KIAA1217: variants seen among roughly 807,000 people sequenced by gnomAD.
KIAA1217 encodes KIAA1217, also known as sickle tail protein homolog.
In KIAA1217, 88 loss-of-function variants were observed where a neutral mutation model predicts 163.9. That is an observed-to-expected ratio of 0.54 (90% CI 0.45 to 0.64). KIAA1217 has a LOEUF of 0.64. Ranked by LOEUF, KIAA1217 falls within the 30% of genes least tolerant of loss-of-function variation. The pLI is 0.00. For synonymous variants in KIAA1217, 903 were observed against 923.1 expected, an observed-to-expected ratio of 0.98 and a Z score of 0.39; for missense variants, 2,372 against 2,475.0, an observed-to-expected ratio of 0.96 and a Z score of 0.88.
chr10:24,473,141 C>A, intron 5 of KIAA1217, 87 bp from the exon 6 acceptor site: 1 of 883,252 alleles, frequency 1.1e-6, no homozygotes, highest in Non-Finnish European at 1.8e-6. Context: ...ATACATCTTG[C>A]AGGGGAAGTC....
At chr10:24,401,534 TAAC>T (rs2056528045) in intron 3 of KIAA1217, among the ~76,000 whole-genome samples, 1 of 152,072 alleles carries the variant, frequency 6.6e-6, no homozygotes, top group South Asian at 2.1e-4. Context: ...TGATAAAATC[TAAC>T]AACAATTCAT....
At chr10:24,277,997 C>A (rs1387475258) in intron 2 of KIAA1217, among the ~76,000 whole-genome samples, 2 of 152,204 alleles carry the variant, frequency 1.3e-5, no homozygotes, top group Non-Finnish European at 2.9e-5. Context: ...TGGACCTATG[C>A]CTTTTGTCCT....
At chr10:23,872,316 A>G (rs1352474711) in intron 1 of KIAA1217, among the ~76,000 whole-genome samples, 1 of 152,116 alleles carries the variant, frequency 6.6e-6, no homozygotes, top group African/African-American at 2.4e-5. Flanking sequence ...TAGGAGAGAT[A>G]GAATGTGAAA....
intron 16 of KIAA1217, 30 bp from the exon 17 acceptor site, chr10:24,536,744 C>T (rs778550982): frequency 5.0e-6 from 8 of 1,609,226 alleles, no homozygotes; most frequent in Non-Finnish European, 5.9e-6. Context: ...CCCTTGGATC[C>T]CTGTTAACCT....
chr10:24,510,130 G>C (rs958727061), intron 9 of KIAA1217, among the ~76,000 whole-genome samples: 1 of 152,108 alleles, frequency 6.6e-6, no homozygotes, highest in Non-Finnish European at 1.5e-5. Context: ...CTTGATAGAA[G>C]AACAACTTGG....
chr10:24,501,542 C>T lies in KIAA1217; in HGVS notation c.1998C>T (p.Leu666=), dbSNP rs2133966072. 3.7e-6 allele frequency: 6 copies of T among 1,612,474 alleles called. No individual in the cohort carries two copies. The highest frequency in any genetic ancestry group is 1.3e-5 in the African/African-American group (1 of 74,902). Residue 666 remains leucine, a synonymous_variant, in exon 9 of 21, where the codon CTC becomes CTT. Transcript: ENST00000376454. ...TCCAGCTCCAGCAGATGCGGCAGCTCCAGGTATTCCTCATGCACGGCGGCC... is the reference window on the plus strand; with the variant it reads ...TCCAGCTCCAGCAGATGCGGCAGCTTCAGGTATTCCTCATGCACGGCGGCC... ...LRLQLQQMRQ[L]QLQNQELLRA... is the part of the protein sequence containing the mutation.
intron 2 of KIAA1217, among the ~76,000 whole-genome samples, chr10:24,045,862 C>T (rs1256475277): frequency 6.6e-6 from 1 of 152,186 alleles, no homozygotes; most frequent in East Asian, 1.9e-4. Context: ...ACAGAAGAGC[C>T]TGGCAATCAA....
intron 1 of KIAA1217, among the ~76,000 whole-genome samples, chr10:23,834,762 A>G (rs1838369202): frequency 6.6e-6 from 1 of 152,158 alleles, no homozygotes; most frequent in South Asian, 2.1e-4. Flanking sequence ...AGAATCAAGG[A>G]CAACTCCAAT....
At chr10:24,365,587 T>C (rs1284415213) in intron 2 of KIAA1217, among the ~76,000 whole-genome samples, 3 of 152,190 alleles carry the variant, frequency 2.0e-5, no homozygotes, top group Non-Finnish European at 4.4e-5. Context: ...ACCCTCACCT[T>C]TCTGGTGAGA....
intron 3 of KIAA1217, among the ~76,000 whole-genome samples, chr10:24,418,107 T>TA (rs554280387): frequency 0.051 from 7,454 of 147,298 alleles, 226 homozygotes; most frequent in South Asian, 0.11. Flanking sequence ...CCACCACCAA[T>TA]AAAAAAAAAA....
chr10:24,259,012 G>A (rs2075457416), intron 2 of KIAA1217, among the ~76,000 whole-genome samples: 1 of 152,170 alleles, frequency 6.6e-6, no homozygotes, highest in Non-Finnish European at 1.5e-5. Flanking sequence ...GCCCGTGGAA[G>A]ACGAGCCACT....
chr10:24,112,957 C>A (rs903713211), intron 2 of KIAA1217, among the ~76,000 whole-genome samples: 5 of 151,986 alleles, frequency 3.3e-5, no homozygotes, highest in African/African-American at 1.2e-4. Context: ...ATAGAGGAGG[C>A]AGGGATTGGA....
intron 1 of KIAA1217, among the ~76,000 whole-genome samples, chr10:23,946,718 C>T (rs1037414374): frequency 6.6e-6 from 1 of 152,154 alleles, no homozygotes; most frequent in Non-Finnish European, 1.5e-5. Flanking sequence ...GAGCCCATAA[C>T]AACACATCTT....
intron 3 of KIAA1217, among the ~76,000 whole-genome samples, chr10:24,424,089 C>A (rs1245450764): frequency 1.3e-5 from 2 of 150,762 alleles, no homozygotes; most frequent in East Asian, 1.9e-4. Flanking sequence ...TTTTTTAAAT[C>A]CAGACTTTCT....
intron 4 of KIAA1217, among the ~76,000 whole-genome samples, chr10:24,436,619 G>A (rs993071156): frequency 4.0e-5 from 6 of 151,842 alleles, no homozygotes; most frequent in East Asian, 1.9e-4. Context: ...TTAGCCGGGC[G>A]TGGTGGCGGG....
chr10:23,709,340 A>G (rs1451131264), intron 1 of KIAA1217, among the ~76,000 whole-genome samples: 1 of 152,086 alleles, frequency 6.6e-6, no homozygotes. Flanking sequence ...CCTGGGCAAG[A>G]TAGCAAGACC....
At chr10:24,000,195 G>A (rs770409860) in intron 1 of KIAA1217, among the ~76,000 whole-genome samples, 1 of 152,108 alleles carries the variant, frequency 6.6e-6, no homozygotes, top group African/African-American at 2.4e-5. Flanking sequence ...TATAACTAGC[G>A]ATATGGTTTG....
At chr10:24,111,323 T>G in intron 2 of KIAA1217, among the ~76,000 whole-genome samples, 1 of 152,216 alleles carries the variant, frequency 6.6e-6, no homozygotes, top group African/African-American at 2.4e-5. Context: ...GCAAGATATG[T>G]ACACTGAAAC....
intron 4 of KIAA1217, among the ~76,000 whole-genome samples, chr10:24,437,809 AG>A (rs1196211010): frequency 6.7e-6 from 1 of 150,180 alleles, no homozygotes; most frequent in Admixed American, 6.7e-5. Flanking sequence ...GAAGGAAAAA[AG>A]GCATGGTAAA....
Sources: allele counts gnomAD v4.1 joint callset (sites outside exome capture counted in the v4.1 genomes callset), GRCh38; gene constraint gnomAD v4.1.1; transcripts MANE v1.5; gene names NCBI Gene and HGNC (gene_info 2026-07-23, HGNC 2026-07-21).